Variants in CDIN1 observed in about 807,000 individuals in gnomAD.
CDIN1 encodes the protein CDAN1 interacting nuclease 1.
In CDIN1, 33 loss-of-function variants were observed where a neutral mutation model predicts 45.3. That is an observed-to-expected ratio of 0.73 (90% CI 0.55 to 0.97). CDIN1 has a LOEUF of 0.97. Ranked by LOEUF, CDIN1 falls within the 50% of genes least tolerant of loss-of-function variation. CDIN1 has a pLI of 0.00. For missense variants in CDIN1, 303 were observed against 339.4 expected (o/e 0.89, Z 0.84); for synonymous variants, 118 against 124.4 (o/e 0.95, Z 0.34).
chr15:36,734,601 G>A (rs2043949781), intron 10 of CDIN1, among the ~76,000 whole-genome samples: 1 of 152,058 alleles, frequency 6.6e-6, no homozygotes, highest in Non-Finnish European at 1.5e-5. Context: ...CTGTCTCAGG[G>A]TTTGGAGAGC....
At chr15:36,674,020 C>T (rs548508932) in intron 5 of CDIN1, among the ~76,000 whole-genome samples, 40 of 152,140 alleles carry the variant, frequency 2.6e-4, no homozygotes. Flanking sequence ...ATGAAAGTGT[C>T]ACATTCCTCT....
chr15:36,709,205 T>C lies in CDIN1; in HGVS notation c.545-18T>C, dbSNP rs1396035387. On this transcript the variant is annotated intron_variant, in intron 8 of 10. Transcript: ENST00000566621. ...ATTGAATAGTGTTTTAAGTAAATAG[T>C]GTTTGTTCTTCCTGTAGATGAAGAT... 2.5e-6 allele frequency: 4 copies of C among 1,584,066 alleles called. No homozygotes were observed. Among genetic ancestry groups the C allele is most frequent in the Admixed American group, 1.8e-5 (1 of 56,154 alleles).
Position 36,685,133 on chromosome 15 carries a change from G to T in CDIN1, c.347-6552G>T, listed in dbSNP as rs541173760. Among the ~76,000 whole-genome samples the T allele has an allele frequency of 1.1e-4, 17 of 149,170 alleles. No individual in the cohort carries two copies. In the East Asian group the frequency reaches 2.6e-3, roughly 23 times the overall value. On this transcript the variant is annotated intron_variant, in intron 5 of 10. Transcript: ENST00000566621. Reference sequence around the variant, plus strand: ...TTGCCTTCTGCTAGCTTTTGAATGTGTTTGCTCTTGCTTTTCTAGTTCTTT... The same window carrying T: ...TTGCCTTCTGCTAGCTTTTGAATGTTTTTGCTCTTGCTTTTCTAGTTCTTT...
chr15:36,647,966 G>A (rs1463577742), intron 3 of CDIN1, among the ~76,000 whole-genome samples: 5 of 151,476 alleles, frequency 3.3e-5, no homozygotes, highest in Admixed American at 6.6e-5. Context: ...CAGCCTCCTG[G>A]GTGGCTGGGA....
intron 1 of CDIN1, among the ~76,000 whole-genome samples, chr15:36,606,869 A>G (rs1311405357): frequency 6.6e-6 from 1 of 152,030 alleles, no homozygotes; most frequent in Non-Finnish European, 1.5e-5. Context: ...CTTTTTGTAC[A>G]ATTAGGGGGT....
intron 10 of CDIN1, among the ~76,000 whole-genome samples, chr15:36,716,433 T>C (rs1283104525): frequency 1.3e-5 from 2 of 152,162 alleles, no homozygotes; most frequent in Non-Finnish European, 2.9e-5. Flanking sequence ...GGAGTATAGT[T>C]ATTGTCAAGA....
intron 10 of CDIN1, among the ~76,000 whole-genome samples, chr15:36,732,690 G>A (rs1024841425): frequency 6.6e-5 from 10 of 151,944 alleles, no homozygotes; most frequent in Non-Finnish European, 1.2e-4. Context: ...TCTGAGGTGA[G>A]GGATCTCTCT....
intron 8 of CDIN1, chr15:36,707,848 C>T (rs557777709): frequency 6.6e-6 from 1 of 152,264 alleles, no homozygotes; most frequent in East Asian, 1.9e-4. Flanking sequence ...ATCTACAGCT[C>T]ACTTTCCAAA....
intron 5 of CDIN1, among the ~76,000 whole-genome samples, chr15:36,667,155 T>C (rs763648780): frequency 2.4e-4 from 37 of 152,182 alleles, no homozygotes; most frequent in Non-Finnish European, 4.1e-4. Flanking sequence ...TTTTCATGAG[T>C]CAGAAAGCTT....
rs770155846 is a variant in CDIN1, at chr15:36,809,165, T to C, written c.*712T>C. 6.4e-6 allele frequency: 2 copies of C among 313,816 alleles called. No individual in the cohort carries two copies. Among genetic ancestry groups the C allele is most frequent in the Non-Finnish European group, 1.3e-5 (2 of 158,804 alleles). 19.4% of individuals were successfully genotyped at this position (313,816 alleles called of 1,614,324 possible). A position where few individuals can be genotyped will look rare whatever the true frequency, so the allele number is the denominator to read the frequency against. ...GAACACCACATATTTTAGATTTATC[T>C]TATTTGAAAGTATTAGTTCCATTGT... On this transcript the variant is annotated 3_prime_UTR_variant, in exon 11 of 11. Transcript: ENST00000566621.
At chr15:36,770,237 C>T (rs1316443608) in intron 10 of CDIN1, among the ~76,000 whole-genome samples, 3 of 151,286 alleles carry the variant, frequency 2.0e-5, no homozygotes, top group Non-Finnish European at 2.9e-5. Context: ...ATTTGAGCCA[C>T]TTCTGACATC....
intron 6 of CDIN1, 33 bp from the exon 7 acceptor site, chr15:36,692,093 C>T: frequency 2.5e-6 from 4 of 1,608,494 alleles, no homozygotes; most frequent in Non-Finnish European, 3.4e-6. Flanking sequence ...TGTAGCCGCC[C>T]CACCCCAGAC....
intron 10 of CDIN1, among the ~76,000 whole-genome samples, chr15:36,783,227 C>A (rs1885508169): frequency 6.6e-6 from 1 of 152,124 alleles, no homozygotes; most frequent in African/African-American, 2.4e-5. Flanking sequence ...AGAAATCAGA[C>A]CACAAATTGT....
chr15:36,675,214 GC>G (rs1172781306), intron 5 of CDIN1, among the ~76,000 whole-genome samples: 1 of 152,004 alleles, frequency 6.6e-6, no homozygotes, highest in Non-Finnish European at 1.5e-5. Context: ...GCTAAAGTCA[GC>G]AAAAAATGTA....
intron 4 of CDIN1, 127 bp downstream of exon 4, chr15:36,654,285 A>G (rs2040692518): frequency 1.5e-6 from 1 of 651,246 alleles, no homozygotes; most frequent in East Asian, 2.8e-5. Context: ...AGACATTTAA[A>G]TTGCTCCCTG....
At chr15:36,787,310 T>G (rs1324580530) in intron 10 of CDIN1, among the ~76,000 whole-genome samples, 1 of 152,102 alleles carries the variant, frequency 6.6e-6, no homozygotes, top group Non-Finnish European at 1.5e-5. Context: ...ATTTCACCTT[T>G]TTAGTTAAAT....
chr15:36,601,064 CAAA>C (rs200247196), intron 1 of CDIN1, among the ~76,000 whole-genome samples: 5 of 140,746 alleles, frequency 3.6e-5, no homozygotes, highest in Non-Finnish European at 6.3e-5. Context: ...GTAGGGGTAT[CAAA>C]AAAAAAAAAG....
At chr15:36,776,726 A>G (rs909223418) in intron 10 of CDIN1, among the ~76,000 whole-genome samples, 13 of 152,216 alleles carry the variant, frequency 8.5e-5, no homozygotes, top group African/African-American at 2.9e-4. Context: ...GCTTTGGTAG[A>G]AATAATTATT....
At chr15:36,756,086 A>G in intron 10 of CDIN1, 1 of 455,982 alleles carries the variant, frequency 2.2e-6, no homozygotes. Context: ...GAGTAGATAA[A>G]TAAGTTTGAC....
Sources: gnomAD v4.1 joint callset for allele counts (sites outside exome capture counted in the v4.1 genomes callset) on GRCh38, gnomAD v4.1.1 for gene constraint, MANE v1.5 for transcripts, NCBI Gene and HGNC (gene_info 2026-07-23, HGNC 2026-07-21) for gene names.